Variants in PROCR observed in about 807,000 individuals in gnomAD.
The protein encoded by PROCR is protein C receptor.
A neutral mutation model predicts 24.2 loss-of-function variants in PROCR; 22 were observed. The observed-to-expected ratio is 0.91, with a 90% CI of 0.65 to 1.30. PROCR has a LOEUF of 1.30. Ranked by LOEUF, PROCR falls within the 50% of genes most tolerant of loss-of-function variation. The pLI, the probability that PROCR is intolerant of heterozygous loss-of-function variation, is 0.00. For missense variants in PROCR, 288 were observed against 307.7 expected, an observed-to-expected ratio of 0.94 and a Z score of 0.48; for synonymous variants, 137 against 139.2, an observed-to-expected ratio of 0.98 and a Z score of 0.11.
At chr20:35,194,783 A>AACC (rs11473647) in intron 1 of PROCR, among the ~76,000 whole-genome samples, 121,499 of 151,862 alleles carry the variant, frequency 0.8, 49,124 homozygotes, top group African/African-American at 0.91. Flanking sequence ...CTGACACTGC[A>AACC]ACCACCCACA....
At chr20:35,215,757 T>TTGATGTA (rs1250154086) in intron 1 of PROCR, 11 of 508,480 alleles carry the variant, frequency 2.2e-5, no homozygotes, top group Non-Finnish European at 2.8e-5. Context: ...ATTAAGTGAT[T>TTGATGTA]TGATGTAGGT....
chr20:35,198,717 C>CT (rs756605474), intron 1 of PROCR, among the ~76,000 whole-genome samples: 275 of 142,088 alleles, frequency 1.9e-3, no homozygotes, highest in Middle Eastern at 3.6e-3. Flanking sequence ...CCATCAAGGA[C>CT]TTTTTTTTTT....
chr20:35,194,728 G>C (rs1257241875), intron 1 of PROCR, among the ~76,000 whole-genome samples: 2 of 152,190 alleles, frequency 1.3e-5, no homozygotes, highest in Non-Finnish European at 2.9e-5. Context: ...CCCCAGAGTG[G>C]CATGGGGTAG....
chr20:35,187,699 G>T (rs550387632), intron 1 of PROCR, among the ~76,000 whole-genome samples: 1 of 152,276 alleles, frequency 6.6e-6, no homozygotes, highest in South Asian at 2.1e-4. Context: ...AAGAGTGAAT[G>T]GAAGGTTCAT....
chr20:35,177,455 T>TC (rs2086032397), downstream of PROCR: 1 of 934,784 alleles, frequency 1.1e-6, no homozygotes, highest in African/African-American at 1.9e-5. Context: ...TTTTTTTTTT[T>TC]TTTTTTTTTT....
At chr20:35,201,149 T>C (rs1381302262) in intron 1 of PROCR, among the ~76,000 whole-genome samples, 1 of 151,650 alleles carries the variant, frequency 6.6e-6, no homozygotes, top group African/African-American at 2.4e-5. Context: ...ATGTGTATTA[T>C]TATCCCTAGA....
intron 3 of PROCR, 100 bp from the exon 4 acceptor site, chr20:35,176,598 G>C: frequency 6.3e-7 from 1 of 1,575,208 alleles, no homozygotes; most frequent in South Asian, 1.1e-5. Flanking sequence ...GTTGGTAAAC[G>C]GGTCCCTTTC....
chr20:35,187,472 C>A (rs1568595428), intron 1 of PROCR, among the ~76,000 whole-genome samples: 1 of 152,222 alleles, frequency 6.6e-6, no homozygotes, highest in African/African-American at 2.4e-5. Context: ...GGACTTCTGA[C>A]TTCTGATCCT....
chr20:35,202,347 G>C (rs924800620), intron 1 of PROCR: 2 of 151,814 alleles, frequency 1.3e-5, no homozygotes, highest in Non-Finnish European at 2.9e-5. Flanking sequence ...CCAGCTACTC[G>C]GGAGGCTGAG....
At chr20:35,214,365 A>G (rs1407065673) in intron 1 of PROCR, among the ~76,000 whole-genome samples, 5 of 152,184 alleles carry the variant, frequency 3.3e-5, no homozygotes, top group African/African-American at 1.2e-4. Context: ...TTATTCATAA[A>G]TTCGTAAGTA....
chr20:35,207,870 T>C (rs2060348238), intron 1 of PROCR, among the ~76,000 whole-genome samples: 2 of 152,076 alleles, frequency 1.3e-5, no homozygotes, highest in South Asian at 4.1e-4. Context: ...TTCCATTTCC[T>C]CTCCTTCCAC....
chr20:35,178,675 C>G (rs1281524063), downstream of PROCR, among the ~76,000 whole-genome samples: 2 of 136,434 alleles, frequency 1.5e-5, no homozygotes, highest in African/African-American at 5.5e-5. Flanking sequence ...GCCACTACGC[C>G]CGGCTAATTT....
rs1600735741 is a variant in PROCR, at chr20:35,177,053, T to A, written c.*240T>A. ...TGTATGCTTTGCTGAATTAGTCTGATAAGTGAATGTTTATCTATCTTTGTG... is the reference window on the plus strand; with the variant it reads ...TGTATGCTTTGCTGAATTAGTCTGAAAAGTGAATGTTTATCTATCTTTGTG... On this transcript the variant is annotated 3_prime_UTR_variant, in exon 4 of 4. Transcript: ENST00000216968. 2.3e-6 allele frequency: 3 copies of A among 1,315,112 alleles called. No homozygotes were observed. The highest frequency in any genetic ancestry group is 3.5e-5 in the East Asian group (1 of 28,234). 81.5% of individuals were successfully genotyped at this position (1,315,112 alleles called of 1,614,324 possible).
chr20:35,187,997 A>G (rs1402754047), intron 1 of PROCR, among the ~76,000 whole-genome samples: 2 of 152,224 alleles, frequency 1.3e-5, no homozygotes, highest in Non-Finnish European at 2.9e-5. Context: ...AGAAATAAAC[A>G]AATCTGAAAT....
intron 1 of PROCR, among the ~76,000 whole-genome samples, chr20:35,193,127 A>C (rs2086187740): frequency 6.6e-6 from 1 of 151,808 alleles, no homozygotes; most frequent in Non-Finnish European, 1.5e-5. Context: ...GAAGCTAATG[A>C]TTAGAAGGGA....
At chr20:35,199,814 G>A (rs1374767180) in intron 1 of PROCR, among the ~76,000 whole-genome samples, 1 of 151,946 alleles carries the variant, frequency 6.6e-6, no homozygotes, top group African/African-American at 2.4e-5. Flanking sequence ...GGATGATCTG[G>A]GCAAAGTAAA....
intron 1 of PROCR, among the ~76,000 whole-genome samples, chr20:35,204,282 G>C (rs2060329362): frequency 6.6e-6 from 1 of 152,134 alleles, no homozygotes; most frequent in Non-Finnish European, 1.5e-5. Context: ...TTAATTCATA[G>C]TTTAAAACCT....
At chr20:35,193,027 G>T (rs1424176479) in intron 1 of PROCR, among the ~76,000 whole-genome samples, 1 of 151,978 alleles carries the variant, frequency 6.6e-6, no homozygotes, top group Admixed American at 6.6e-5. Flanking sequence ...ACACAAAAAA[G>T]TATAAACTAT....
At chr20:35,199,488 C>T (rs561484431) in intron 1 of PROCR, among the ~76,000 whole-genome samples, 3 of 152,090 alleles carry the variant, frequency 2.0e-5, no homozygotes, top group Admixed American at 6.6e-5. Flanking sequence ...CAGTGGCTCA[C>T]GCCTGTAATC....
Sources: allele counts gnomAD v4.1 joint callset (sites outside exome capture counted in the v4.1 genomes callset), GRCh38; gene constraint gnomAD v4.1.1; transcripts MANE v1.5; gene names NCBI Gene and HGNC (gene_info 2026-07-23, HGNC 2026-07-21).